NEGR1: variants seen among roughly 807,000 people sequenced by gnomAD.
NEGR1 encodes the protein IgLON family member 4.
A neutral mutation model predicts 40.9 loss-of-function variants in NEGR1; 10 were observed. That is an observed-to-expected ratio of 0.24 (90% CI 0.15 to 0.42). The LOEUF (loss-of-function observed/expected upper bound fraction) is 0.42. Ranked by LOEUF, NEGR1 falls within the 10% of genes least tolerant of loss-of-function variation. The pLI is 1.00. For missense variants in NEGR1, 352 were observed against 438.9 expected, an observed-to-expected ratio of 0.80 and a Z score of 1.77; for synonymous variants, 185 against 166.8, an observed-to-expected ratio of 1.11 and a Z score of -0.84.
intron 1 of NEGR1, among the ~76,000 whole-genome samples, chr1:71,992,247 T>C (rs1253028903): frequency 6.6e-6 from 1 of 152,118 alleles, no homozygotes; most frequent in Non-Finnish European, 1.5e-5. Context: ...ATAAATTAAA[T>C]TACAATAATA....
intron 2 of NEGR1, among the ~76,000 whole-genome samples, chr1:71,806,568 A>C (rs1657778382): frequency 1.3e-5 from 2 of 152,088 alleles, no homozygotes; most frequent in African/African-American, 2.4e-5. Context: ...CAGTGCCATA[A>C]ACTGGTTCAG....
intron 1 of NEGR1, among the ~76,000 whole-genome samples, chr1:72,127,881 A>G (rs1052403535): frequency 6.6e-6 from 1 of 152,274 alleles, no homozygotes; most frequent in African/African-American, 2.4e-5. Context: ...AGAAGTAAAC[A>G]TTATTTCTAA....
intron 6 of NEGR1, among the ~76,000 whole-genome samples, chr1:71,423,583 C>A (rs1276010142): frequency 6.6e-6 from 1 of 152,114 alleles, no homozygotes; most frequent in Non-Finnish European, 1.5e-5. Context: ...GATTAGAGGT[C>A]CTTTTCCAGC....
chr1:71,403,238 C>T lies in NEGR1; in HGVS notation c.*4208G>A, dbSNP rs925690116. ...AAACTAAAGGTTCTCAGCCAAATAA[C>T]GTGTTTTGCTTGGAAACCAAGGTAT... On this transcript the variant is annotated 3_prime_UTR_variant, in exon 7 of 7. Coordinates refer to ENST00000357731, the MANE Select transcript of NEGR1 (RefSeq NM_173808.3). 2.0e-5 allele frequency: 3 copies of T among 151,930 alleles called. No individual in the cohort carries two copies. Among genetic ancestry groups the T allele is most frequent in the Non-Finnish European group, 4.4e-5 (3 of 67,922 alleles). 9.4% of individuals were successfully genotyped at this position (151,930 alleles called of 1,614,324 possible). A position where few individuals can be genotyped will look rare whatever the true frequency, so the allele number is the denominator to read the frequency against.
At position 71,404,022 on chromosome 1, in the gene NEGR1, T is replaced by G; in HGVS notation, c.*3424A>C. On this transcript the variant is annotated 3_prime_UTR_variant, in exon 7 of 7. Transcript: ENST00000357731. ...TTATTGAAAAGATTAAATAGGTAAC[T>G]TTTGGCTGTGTCACAAAGCTAAGCA... 3.0e-6 allele frequency: 1 copy of G among 333,176 alleles called. No homozygotes were observed. Among genetic ancestry groups the G allele is most frequent in the Non-Finnish European group, 5.5e-6 (1 of 181,778 alleles). 20.6% of individuals were successfully genotyped at this position (333,176 alleles called of 1,614,324 possible).
At chr1:71,985,608 C>T (rs1646387737) in intron 1 of NEGR1, among the ~76,000 whole-genome samples, 1 of 151,940 alleles carries the variant, frequency 6.6e-6, no homozygotes, top group Admixed American at 6.6e-5. Flanking sequence ...TATTTATGTC[C>T]TAGGTTTTCT....
At chr1:71,713,812 A>G (rs1156595787) in intron 3 of NEGR1, among the ~76,000 whole-genome samples, 2 of 152,238 alleles carry the variant, frequency 1.3e-5, no homozygotes, top group Non-Finnish European at 1.5e-5. Flanking sequence ...AAGTATACAT[A>G]TAACACACAC....
chr1:71,917,310 GAAGA>G (rs2101879084), intron 2 of NEGR1, among the ~76,000 whole-genome samples: 1 of 152,188 alleles, frequency 6.6e-6, no homozygotes, highest in African/African-American at 2.4e-5. Context: ...CATTTATCTT[GAAGA>G]AATAAAACAG....
intron 6 of NEGR1, among the ~76,000 whole-genome samples, chr1:71,457,687 T>C: frequency 6.6e-6 from 1 of 152,128 alleles, no homozygotes; most frequent in Non-Finnish European, 1.5e-5. Flanking sequence ...TAAGACCTAT[T>C]ATTAGTTTTC....
At chr1:72,170,453 G>T (rs978269283) in intron 1 of NEGR1, among the ~76,000 whole-genome samples, 2 of 152,122 alleles carry the variant, frequency 1.3e-5, no homozygotes, top group Non-Finnish European at 2.9e-5. Flanking sequence ...TGTATTGTCT[G>T]CAGTAATACT....
intron 2 of NEGR1, among the ~76,000 whole-genome samples, chr1:71,861,589 G>T (rs1659949229): frequency 6.6e-6 from 1 of 152,096 alleles, no homozygotes; most frequent in East Asian, 1.9e-4. Flanking sequence ...TCCAGCCTTG[G>T]GTTCATTAGC....
At chr1:72,150,379 T>C (rs1473386219) in intron 1 of NEGR1, among the ~76,000 whole-genome samples, 3 of 152,186 alleles carry the variant, frequency 2.0e-5, no homozygotes, top group Admixed American at 2.0e-4. Flanking sequence ...GTTAAGGGGC[T>C]ACTATAGAAA....
chr1:71,815,903 A>G (rs1401813778), intron 2 of NEGR1, among the ~76,000 whole-genome samples: 1 of 152,068 alleles, frequency 6.6e-6, no homozygotes, highest in Non-Finnish European at 1.5e-5. Context: ...TGAAGTGATA[A>G]AAGGTTTAAC....
chr1:71,932,602 T>TA (rs1205370821), intron 2 of NEGR1, among the ~76,000 whole-genome samples: 1 of 151,874 alleles, frequency 6.6e-6, no homozygotes, highest in Non-Finnish European at 1.5e-5. Flanking sequence ...CAAAATGATT[T>TA]AAAAAAAATA....
In NEGR1 at chr1:72,071,937, A is replaced by G. The variant is rs532347094; in HGVS notation, c.177-136626T>C. ...TGCTCTCCTGCTTAAGAAGTTTTCA[A>G]TAGCTCCTATAGATTTTAGAAAAAG... On this transcript the variant is annotated intron_variant, in intron 1 of 6. Transcript: ENST00000357731. Among the ~76,000 whole-genome samples the G allele has an allele frequency of 3.9e-5, 6 of 152,256 alleles. No individual in the cohort carries two copies. In the East Asian group the frequency reaches 7.7e-4, roughly 20 times the overall value.
intron 3 of NEGR1, among the ~76,000 whole-genome samples, chr1:71,699,495 A>G (rs572106292): frequency 6.6e-6 from 1 of 152,012 alleles, no homozygotes; most frequent in African/African-American, 2.4e-5. Flanking sequence ...TATTTTCACT[A>G]TTATAACGAA....
intron 3 of NEGR1, among the ~76,000 whole-genome samples, chr1:71,737,202 G>A (rs1323036419): frequency 6.6e-6 from 1 of 152,080 alleles, no homozygotes; most frequent in African/African-American, 2.4e-5. Flanking sequence ...AAATAGGCTC[G>A]ACCATATCAT....
intron 2 of NEGR1, among the ~76,000 whole-genome samples, chr1:71,918,716 A>G (rs1455904732): frequency 2.0e-5 from 3 of 152,086 alleles, no homozygotes; most frequent in Non-Finnish European, 2.9e-5. Context: ...TTGAACCTGA[A>G]AAAATGAGTT....
intron 6 of NEGR1, among the ~76,000 whole-genome samples, chr1:71,494,833 AC>A (rs1233309793): frequency 6.6e-6 from 1 of 151,848 alleles, no homozygotes; most frequent in African/African-American, 2.4e-5. Flanking sequence ...TTGACTGTTC[AC>A]CCTTGAACAG....
Sources: gnomAD v4.1 joint callset for allele counts (sites outside exome capture counted in the v4.1 genomes callset) on GRCh38, gnomAD v4.1.1 for gene constraint, MANE v1.5 for transcripts, NCBI Gene and HGNC (gene_info 2026-07-23, HGNC 2026-07-21) for gene names.